The following ENPP1 variants were observed in gnomAD, a reference collection of about 807,000 sequenced individuals.
ENPP1 encodes ectonucleotide pyrophosphatase/phosphodiesterase 1.
Under a neutral mutation model 122.8 loss-of-function variants are expected in ENPP1, and 73 were observed. The observed-to-expected ratio is 0.59, with a 90% CI of 0.49 to 0.72. The LOEUF (loss-of-function observed/expected upper bound fraction) is 0.72. Among genes scored for constraint, ENPP1 ranks in the 30% least tolerant of loss-of-function variants. The pLI, the probability that ENPP1 is intolerant of heterozygous loss-of-function variation, is 0.00. For missense variants in ENPP1, 978 were observed against 1,128.1 expected, an observed-to-expected ratio of 0.87 and a Z score of 1.91; for synonymous variants, 367 against 391.6, an observed-to-expected ratio of 0.94 and a Z score of 0.74.
chr6:131,879,923 A>G lies in ENPP1; in HGVS notation c.1989A>G (p.Arg663=). ...AAACTTTACCCTATGGAAGACCTAGAGTTCTCCAGAAGGAAAACACCATCT... is the reference window on the plus strand; with the variant it reads ...AAACTTTACCCTATGGAAGACCTAGGGTTCTCCAGAAGGAAAACACCATCT... ...KHETLPYGRP[R]VLQKENTICL... Residue 663 remains arginine (R), a synonymous_variant, in exon 20 of 25, where the codon AGA becomes AGG. Transcript: ENST00000647893. 4.3e-6 allele frequency: 7 copies of G among 1,613,602 alleles called. No homozygotes were observed. The highest frequency in any genetic ancestry group is 5.9e-6 in the Non-Finnish European group (7 of 1,179,490).
Position 131,872,170 on chromosome 6 carries a change from T to C in ENPP1, c.1437+69T>C. ...TATAATATATATTGAGAGAAAAGTTTCAGCATCTATTATTGGGATTGAAGG... is the reference window on the plus strand; with the variant it reads ...TATAATATATATTGAGAGAAAAGTTCCAGCATCTATTATTGGGATTGAAGG... On this transcript the variant is annotated intron_variant, in intron 14 of 24. Transcript: ENST00000647893. 2 of 1,054,028 alleles carry C rather than the reference T, an allele frequency of 1.9e-6. 1 individual carries two copies. The highest frequency in any genetic ancestry group is 2.6e-5 in the South Asian group (2 of 77,314). 65.3% of individuals were successfully genotyped at this position (1,054,028 alleles called of 1,614,324 possible).
Position 131,893,931 on chromosome 6 carries a change from CTTTA to C in ENPP1, c.*3426_*3429del, listed in dbSNP as rs1782506927. On this transcript the variant is annotated 3_prime_UTR_variant, in exon 25 of 25. Transcript: ENST00000647893. The stretch of plus-strand genomic sequence containing the variant: ...TAGCTTTTCAAATGCAAAGTGAAAC[CTTTA>C]TTTATCTTGATTTCTTTTTTTTTTT... 1 of 140,500 alleles carries C rather than the reference CTTTA, an allele frequency of 7.1e-6. No individual in the cohort carries two copies. The highest frequency in any genetic ancestry group is 1.5e-5 in the Non-Finnish European group (1 of 64,804). 8.7% of individuals were successfully genotyped at this position (140,500 alleles called of 1,614,324 possible). A position where few individuals can be genotyped will look rare whatever the true frequency, so the allele number is the denominator to read the frequency against.
chr6:131,849,580 A>T (rs552375860), intron 2 of ENPP1, among the ~76,000 whole-genome samples: 67 of 152,218 alleles, frequency 4.4e-4, no homozygotes, highest in Middle Eastern at 3.4e-3. Flanking sequence ...TCTAAAAAAA[A>T]TTTTTCCCAC....
In ENPP1 at chr6:131,894,017, G is replaced by A. The variant is rs1273043318; in HGVS notation, c.*3506G>A. ...CACCCAGGCTGGAGTGCAGTGGCAA[G>A]ATCTTGGCTCACTGCAAGCTCCGCC... On this transcript the variant is annotated 3_prime_UTR_variant, in exon 25 of 25. Transcript: ENST00000647893. The A allele has an allele frequency of 8.6e-6, 1 of 116,764 alleles. No homozygotes were observed. Among genetic ancestry groups the A allele is most frequent in the Non-Finnish European group, 1.6e-5 (1 of 61,592 alleles). 7.2% of individuals were successfully genotyped at this position (116,764 alleles called of 1,614,324 possible). A position where few individuals can be genotyped will look rare whatever the true frequency, so the allele number is the denominator to read the frequency against.
chr6:131,886,126 A>C (rs1459282273), intron 23 of ENPP1, among the ~76,000 whole-genome samples: 1 of 152,234 alleles, frequency 6.6e-6, no homozygotes, highest in African/African-American at 2.4e-5. Flanking sequence ...AATTCATGAC[A>C]ACATGTCCTC....
intron 1 of ENPP1, 94 bp from the exon 2 acceptor site, chr6:131,847,682 G>A (rs1781826500): frequency 1.1e-6 from 1 of 889,604 alleles, no homozygotes; most frequent in Non-Finnish European, 1.8e-6. Flanking sequence ...CCCTAGCCTG[G>A]GTAACAGAGT....
chr6:131,817,703 C>A (rs1159864855), intron 1 of ENPP1, among the ~76,000 whole-genome samples: 1 of 150,158 alleles, frequency 6.7e-6, no homozygotes, highest in Non-Finnish European at 1.5e-5. Flanking sequence ...CCATGTCTAT[C>A]TCTCTCTCTC....
chr6:131,875,526 TATC>T (rs2114718409), intron 16 of ENPP1, among the ~76,000 whole-genome samples: 1 of 152,338 alleles, frequency 6.6e-6, no homozygotes, highest in Admixed American at 6.5e-5. Context: ...AAAAAAATGT[TATC>T]ATTCATTCTG....
chr6:131,827,689 C>A, intron 1 of ENPP1: 1 of 659,302 alleles, frequency 1.5e-6, no homozygotes, highest in Non-Finnish European at 2.8e-6. Flanking sequence ...CATGCGGAAT[C>A]TTCTCACTTT....
At chr6:131,890,249 C>T (rs188768828) in intron 24 of ENPP1, 92 bp from the exon 25 acceptor site, 301 of 1,034,742 alleles carry the variant, frequency 2.9e-4, no homozygotes, top group Non-Finnish European at 4.3e-4. Flanking sequence ...GCTGAAATCT[C>T]GTAAATGATT....
At chr6:131,873,649 A>G (rs1004252472) in intron 15 of ENPP1, among the ~76,000 whole-genome samples, 10 of 152,060 alleles carry the variant, frequency 6.6e-5, no homozygotes, top group African/African-American at 2.4e-4. Context: ...TGGATGGTTA[A>G]TAGTGTTAAT....
intron 4 of ENPP1, 148 bp from the exon 5 acceptor site, chr6:131,852,027 G>T (rs1781889100): frequency 1.7e-6 from 1 of 595,228 alleles, no homozygotes; most frequent in Non-Finnish European, 3.0e-6. Context: ...TCTCTTTATT[G>T]ATTATACACC....
intron 2 of ENPP1, among the ~76,000 whole-genome samples, chr6:131,848,275 G>T (rs891524643): frequency 1.3e-5 from 2 of 152,112 alleles, no homozygotes; most frequent in African/African-American, 4.8e-5. Flanking sequence ...AAGCCACAAT[G>T]ATATTTTTTT....
At chr6:131,825,230 A>G (rs956672415) in intron 1 of ENPP1, among the ~76,000 whole-genome samples, 6 of 152,178 alleles carry the variant, frequency 3.9e-5, no homozygotes, top group African/African-American at 1.4e-4. Flanking sequence ...GGACCCTGAA[A>G]ACTATAATAG....
In ENPP1 at chr6:131,858,888, T is replaced by C. The variant is rs58015366; in HGVS notation, c.795+141T>C. On this transcript the variant is annotated intron_variant, in intron 7 of 24. Transcript: ENST00000647893. ...AAGTAAGGAAACCCAGGTTCTGATCTTTGCTCTGCCACAAACTAGCTGTGG... is the reference window on the plus strand; with the variant it reads ...AAGTAAGGAAACCCAGGTTCTGATCCTTGCTCTGCCACAAACTAGCTGTGG... 0.019 allele frequency: 13,316 copies of C among 706,204 alleles called. 230 individuals carry two copies. Among genetic ancestry groups the C allele is most frequent in the African/African-American group, 0.061 (3,419 of 56,384 alleles). The allele number at this position is 706,204 out of a possible 1,614,324, so 43.7% of individuals were successfully genotyped here. A position where few individuals can be genotyped will look rare whatever the true frequency, so the allele number is the denominator to read the frequency against.
In ENPP1 at chr6:131,827,307, AGATGAAG is replaced by A. The variant is rs1285146297; in HGVS notation, c.240+19041_240+19047del. The A allele has an allele frequency of 9.7e-6, 13 of 1,346,446 alleles. No homozygotes were observed. In the African/African-American group the frequency reaches 1.7e-4, roughly 18 times the overall value. The allele number at this position is 1,346,446 out of a possible 1,614,324, so 83.4% of individuals were successfully genotyped here. ...ATAAAAAGGATCATACTGATTAGCC[AGATGAAG>A]GATGAAGGCAAAGTCATTCTTGACA... On this transcript the variant is annotated intron_variant, in intron 1 of 24. Transcript: ENST00000647893.
At chr6:131,873,818 A>AAT (rs893943017) in intron 15 of ENPP1, among the ~76,000 whole-genome samples, 25 of 151,426 alleles carry the variant, frequency 1.7e-4, no homozygotes, top group Non-Finnish European at 2.8e-4. Context: ...GTTTTCAAAA[A>AAT]ATATATATAT....
chr6:131,864,898 C>A lies in ENPP1; in HGVS notation c.1124C>A (p.Pro375Gln). 1 of 1,605,710 alleles carries A rather than the reference C, an allele frequency of 6.2e-7. No individual in the cohort carries two copies. Among genetic ancestry groups the A allele is most frequent in the Non-Finnish European group, 8.5e-7 (1 of 1,172,598 alleles). ...TTTTACACTCTGTATTTAGAAGAAC[C>A]AGATTCTTCAGGTCATTCATATGGA... The part of the protein sequence containing the change: ...PHFYTLYLEE[P>Q]DSSGHSYGPV... The change falls in exon 11 of 25, where the codon CCA becomes CAA. Residue 375 changes from proline (P) to glutamine (Q), a missense_variant. By Grantham distance (76) the Pro-to-Gln change is moderately conservative. Coordinates refer to ENST00000647893, the MANE Select transcript of ENPP1 (RefSeq NM_006208.3).
intron 1 of ENPP1, among the ~76,000 whole-genome samples, chr6:131,812,909 G>A (rs1390408390): frequency 6.6e-6 from 1 of 151,976 alleles, no homozygotes; most frequent in Non-Finnish European, 1.5e-5. Context: ...GCACAATCTC[G>A]GCCCACTGCA....
Sources: allele counts gnomAD v4.1 joint callset (sites outside exome capture counted in the v4.1 genomes callset), GRCh38; gene constraint gnomAD v4.1.1; transcripts MANE v1.5; gene names NCBI Gene and HGNC (gene_info 2026-07-23, HGNC 2026-07-21).